The following ASCC3 variants were observed in gnomAD, a reference collection of about 807,000 sequenced individuals.
ASCC3 encodes the protein activating signal cointegrator 1 complex subunit 3.
A neutral mutation model predicts 256.3 loss-of-function variants in ASCC3; 158 were observed. The ratio of observed to expected loss-of-function variants is 0.62; its 90% CI spans 0.54 to 0.70. The LOEUF (loss-of-function observed/expected upper bound fraction) is 0.70. ASCC3 is among the 30% of genes least tolerant of loss of function. ASCC3 has a pLI of 0.00. For missense variants in ASCC3, 2,259 were observed against 2,626.0 expected (o/e 0.86, Z 3.05); for synonymous variants, 948 against 883.4 (o/e 1.07, Z -1.30).
At chr6:100,761,510 C>T (rs6925840) in intron 10 of ASCC3, among the ~76,000 whole-genome samples, 71,047 of 151,952 alleles carry the variant, frequency 0.47, 16,769 homozygotes, top group South Asian at 0.6. Flanking sequence ...ATATAAAAAA[C>T]GAAGAATAGA....
At chr6:100,612,998 C>T (rs1011871523) in intron 30 of ASCC3, among the ~76,000 whole-genome samples, 1 of 151,558 alleles carries the variant, frequency 6.6e-6, no homozygotes, top group African/African-American at 2.4e-5. Context: ...TGCTATTTTG[C>T]CAAATATACA....
In ASCC3 at chr6:100,565,621, C is replaced by T. The variant is rs181866317; in HGVS notation, c.5550+24013G>A. Among the ~76,000 whole-genome samples, 63 of 152,170 alleles carry T rather than the reference C, an allele frequency of 4.1e-4. 1 individual carries two copies. The highest frequency in any genetic ancestry group is 1.4e-3 in the African/African-American group (59 of 41,524). ...TCATTTTTTTACAGACCGTCACTCC[C>T]GTGTCATAGTCTAAACCCCAGGGCC... On this transcript the variant is annotated intron_variant, in intron 36 of 41. Transcript: ENST00000369162.
rs961858537 is a variant in ASCC3 at position 100,650,676 on chromosome 6, T to C, written c.3114A>G (p.Leu1038=). The change falls in exon 20 of 42, where the codon TTA becomes TTG. Residue 1038 remains leucine, a synonymous_variant. Coordinates refer to ENST00000369162, the MANE Select transcript of ASCC3 (RefSeq NM_006828.4). The stretch of plus-strand genomic sequence containing the variant: ...GAGTGGAGAGTTCACAAAAATTGCT[T>C]AATAAGGTATCTAACTCCTCTATTT... The part of the protein sequence containing the change: ...EEEIEELDTL[L]SNFCELSTPG... 6.2e-7 allele frequency: 1 copy of C among 1,612,000 alleles called. No homozygotes were observed. Among genetic ancestry groups the C allele is most frequent in the Non-Finnish European group, 8.5e-7 (1 of 1,178,564 alleles).
chr6:100,712,575 T>C (rs563947481), intron 13 of ASCC3, among the ~76,000 whole-genome samples: 2 of 152,168 alleles, frequency 1.3e-5, no homozygotes, highest in Admixed American at 1.3e-4. Context: ...ACACACCTTT[T>C]AGAATGGCCA....
chr6:100,531,516 G>A (rs1315586313), intron 37 of ASCC3, among the ~76,000 whole-genome samples: 3 of 151,944 alleles, frequency 2.0e-5, no homozygotes, highest in Non-Finnish European at 4.4e-5. Context: ...CTTCCAATAA[G>A]GGTGATATAT....
At chr6:100,653,534 C>T (rs553427821) in intron 17 of ASCC3, among the ~76,000 whole-genome samples, 7 of 151,384 alleles carry the variant, frequency 4.6e-5, no homozygotes, top group South Asian at 2.1e-4. Flanking sequence ...GCTACTCAGG[C>T]GGCTGAGGCA....
Position 100,877,155 on chromosome 6 carries a change from T to C in ASCC3, c.-42+3906A>G, listed in dbSNP as rs1415209017. ...TTTTCGTTATAAAAATATGAAAAGA[T>C]CTCCAAAACAGCCAAACTATATTTC... On this transcript the variant is annotated intron_variant, in intron 1 of 41. Transcript: ENST00000369162. 2.0e-5 allele frequency among the ~76,000 whole-genome samples: 3 copies of C among 152,106 alleles called. No individual in the cohort carries two copies. The East Asian group carries it at 5.8e-4, about 29-fold the overall frequency.
chr6:100,669,530 T>C (rs1776639045), intron 14 of ASCC3, among the ~76,000 whole-genome samples: 1 of 151,690 alleles, frequency 6.6e-6, no homozygotes, highest in Non-Finnish European at 1.5e-5. Flanking sequence ...ACTTAATGTG[T>C]AAAATCAATG....
At chr6:100,684,943 A>C (rs185013602) in intron 13 of ASCC3, among the ~76,000 whole-genome samples, 1 of 151,302 alleles carries the variant, frequency 6.6e-6, no homozygotes, top group African/African-American at 2.4e-5. Flanking sequence ...AGTAGCTGGG[A>C]CTACAGGCAC....
At chr6:100,640,338 A>G (rs1775060473) in intron 24 of ASCC3, among the ~76,000 whole-genome samples, 1 of 152,208 alleles carries the variant, frequency 6.6e-6, no homozygotes, top group Non-Finnish European at 1.5e-5. Flanking sequence ...GCTCAATGAT[A>G]ATGACTATAT....
chr6:100,653,466 C>T (rs758187924), intron 17 of ASCC3, among the ~76,000 whole-genome samples: 2 of 151,842 alleles, frequency 1.3e-5, no homozygotes, highest in African/African-American at 4.8e-5. Context: ...GGAGAAACCC[C>T]ATCTCTACTA....
Position 100,646,453 on chromosome 6 carries a change from G to A in ASCC3, c.3633+162C>T, listed in dbSNP as rs6910443. 5.7e-3 allele frequency among the ~76,000 whole-genome samples: 867 copies of A among 151,906 alleles called. 10 individuals are homozygous for A. Among genetic ancestry groups the A allele is most frequent in the African/African-American group, 0.02 (830 of 41,280 alleles). On this transcript the variant is annotated intron_variant, in intron 22 of 41. Coordinates refer to ENST00000369162, the MANE Select transcript of ASCC3 (RefSeq NM_006828.4). ...AGCCTCCCGAGTAGCTGGGACTACA[G>A]GTGCCCACCACCATGCCCGGCTAAT...
At chr6:100,680,442 G>A (rs1167875294) in intron 13 of ASCC3, among the ~76,000 whole-genome samples, 1 of 152,152 alleles carries the variant, frequency 6.6e-6, no homozygotes, top group Admixed American at 6.5e-5. Flanking sequence ...TTTGCTCCCT[G>A]TCAGTACCTG....
rs766568204 is a variant in ASCC3 at position 100,799,512 on chromosome 6, G to A, written c.1188C>T (p.Asp396=). Residue 396 remains aspartate, a synonymous_variant, in exon 7 of 42, where the codon GAC becomes GAT. Coordinates refer to ENST00000369162, the MANE Select transcript of ASCC3 (RefSeq NM_006828.4). ...VPILSRQRDA[D]VEKIHYPHVY... Reference sequence around the variant, plus strand: ...CATGGGGATAATGTATTTTTTCAACGTCTGCATCTCTCTGCCTGCTCAGAA... The same window carrying A: ...CATGGGGATAATGTATTTTTTCAACATCTGCATCTCTCTGCCTGCTCAGAA... 2.4e-5 allele frequency: 38 copies of A among 1,612,800 alleles called. No individual in the cohort carries two copies. The highest frequency in any genetic ancestry group is 6.7e-5 in the African/African-American group (5 of 74,848).
chr6:100,510,248 T>A, intron 40 of ASCC3, 141 bp from the exon 41 acceptor site: 1 of 916,362 alleles, frequency 1.1e-6, no homozygotes. Context: ...TTTTAAATTT[T>A]CTTCCATTCT....
chr6:100,783,244 C>T (rs1782529836), intron 8 of ASCC3, among the ~76,000 whole-genome samples: 1 of 152,098 alleles, frequency 6.6e-6, no homozygotes, highest in Admixed American at 6.5e-5. Context: ...AGTGTTCTTC[C>T]CAGCGTTCTC....
chr6:100,844,607 A>G (rs1582951482), intron 4 of ASCC3, among the ~76,000 whole-genome samples: 1 of 152,268 alleles, frequency 6.6e-6, no homozygotes, highest in South Asian at 2.1e-4. Context: ...CACTTCTAAA[A>G]GTGAATAAAA....
At chr6:100,706,398 C>T (rs1778582806) in intron 13 of ASCC3, among the ~76,000 whole-genome samples, 1 of 150,398 alleles carries the variant, frequency 6.6e-6, no homozygotes, top group African/African-American at 2.4e-5. Flanking sequence ...CCTTCTAATA[C>T]AAGCAGAAGA....
intron 10 of ASCC3, among the ~76,000 whole-genome samples, chr6:100,746,975 T>C (rs1780708350): frequency 6.6e-6 from 1 of 152,094 alleles, no homozygotes; most frequent in South Asian, 2.1e-4. Flanking sequence ...AAGGCAAACC[T>C]ACTAGTTGGA....
Sources: gnomAD v4.1 joint callset for allele counts (sites outside exome capture counted in the v4.1 genomes callset) on GRCh38, gnomAD v4.1.1 for gene constraint, MANE v1.5 for transcripts, NCBI Gene and HGNC (gene_info 2026-07-23, HGNC 2026-07-21) for gene names.